TUSC3: variants seen among roughly 807,000 people sequenced by gnomAD.
The protein encoded by TUSC3 is tumor suppressor candidate 3.
A neutral mutation model predicts 44.8 loss-of-function variants in TUSC3; 45 were observed. The ratio of observed to expected loss-of-function variants is 1.00; its 90% confidence interval spans 0.79 to 1.29. The LOEUF (loss-of-function observed/expected upper bound fraction) is 1.29. Among genes scored for constraint, TUSC3 ranks in the 50% most tolerant of loss-of-function variants. The pLI is 0.00. For missense variants in TUSC3, 519 were observed against 437.9 expected (o/e 1.19, Z -1.65); for synonymous variants, 212 against 152.9 (o/e 1.39, Z -2.85).
At chr8:15,717,686 A>C (rs1047356859) in intron 6 of TUSC3, among the ~76,000 whole-genome samples, 3 of 151,942 alleles carry the variant, frequency 2.0e-5, no homozygotes, top group Admixed American at 2.0e-4. Context: ...TTTCTCTAGC[A>C]CTCATTTGGA....
chr8:15,543,918 G>A (rs1338537276), intron 1 of TUSC3, among the ~76,000 whole-genome samples: 1 of 151,674 alleles, frequency 6.6e-6, no homozygotes, highest in East Asian at 1.9e-4. Context: ...ATTTGTGTGT[G>A]TGTGTGTGTG....
At chr8:15,430,591 C>T (rs1426085649) in intron 1 of TUSC3, among the ~76,000 whole-genome samples, 1 of 151,378 alleles carries the variant, frequency 6.6e-6, no homozygotes, top group Non-Finnish European at 1.5e-5. Flanking sequence ...CCCTCTCTCA[C>T]CACTCCTATT....
chr8:15,819,912 A>G, the TUSC3 span, among the ~76,000 whole-genome samples: 2 of 152,172 alleles, frequency 1.3e-5, no homozygotes, highest in African/African-American at 4.8e-5. Flanking sequence ...ATGTTTTTCA[A>G]ACATTCTTGT....
intron 1 of TUSC3, among the ~76,000 whole-genome samples, chr8:15,457,234 T>G (rs560988876): frequency 1.3e-5 from 2 of 151,532 alleles, no homozygotes; most frequent in Admixed American, 6.6e-5. Flanking sequence ...AGTTAATGGG[T>G]GCAGCACACC....
Position 15,448,108 on chromosome 8 carries a change from C to CATATATATATATATATATATATATATAT in TUSC3, n.91+30815_91+30816insATATATATATATATATATATATATATAT, listed in dbSNP as rs376338237. On this transcript the variant is annotated intron_variant and non_coding_transcript_variant, in intron 1 of 5. Coordinates refer to the TUSC3 transcript ENST00000503191. ...ATTCAACTGTATGGTAGTGTATATA[C>CATATATATATATATATATATATATATAT]ATATATATATATTTATTTATTTATT... Among the ~76,000 whole-genome samples, 43 of 96,434 alleles carry CATATATATATATATATATATATATATAT rather than the reference C, an allele frequency of 4.5e-4. 2 individuals are homozygous for CATATATATATATATATATATATATATAT. The highest frequency in any genetic ancestry group is 1.8e-3 in the African/African-American group (35 of 19,318). 63.3% of individuals were successfully genotyped at this position (96,434 alleles called of 152,430 possible). A position where few individuals can be genotyped will look rare whatever the true frequency, so the allele number is the denominator to read the frequency against.
At chr8:15,547,286 A>G (rs2129135043) in intron 1 of TUSC3, among the ~76,000 whole-genome samples, 1 of 151,784 alleles carries the variant, frequency 6.6e-6, no homozygotes, top group Non-Finnish European at 1.5e-5. Context: ...AAATGGCATA[A>G]CATGGTTGTC....
At chr8:15,475,189 A>G (rs1481676667) in intron 1 of TUSC3, among the ~76,000 whole-genome samples, 3 of 151,900 alleles carry the variant, frequency 2.0e-5, no homozygotes, top group Non-Finnish European at 4.4e-5. Context: ...AGTCGTCAAC[A>G]TTCCAAAGAG....
At chr8:15,624,025 T>C (rs967253374) in intron 2 of TUSC3, among the ~76,000 whole-genome samples, 1 of 152,200 alleles carries the variant, frequency 6.6e-6, no homozygotes. Context: ...TCTCCATTTC[T>C]ATAATTTTGT....
intron 6 of TUSC3, chr8:15,689,493 A>G (rs12548856): frequency 0.3 from 50,988 of 171,696 alleles, 8,241 homozygotes; most frequent in Admixed American, 0.4. Context: ...GGCGCCAGCC[A>G]CTCCGTTCCC....
intron 2 of TUSC3, among the ~76,000 whole-genome samples, chr8:15,634,332 C>G (rs1349845870): frequency 6.6e-6 from 1 of 152,172 alleles, no homozygotes; most frequent in African/African-American, 2.4e-5. Flanking sequence ...TACATTGTGT[C>G]CACGATTCTA....
chr8:15,589,804 G>A (rs577046499), intron 1 of TUSC3, among the ~76,000 whole-genome samples: 1 of 152,100 alleles, frequency 6.6e-6, no homozygotes, highest in African/African-American at 2.4e-5. Context: ...CCTACCAAAA[G>A]TGAGTTAATG....
intron 1 of TUSC3, among the ~76,000 whole-genome samples, chr8:15,446,399 C>A (rs62501884): frequency 6.6e-6 from 1 of 151,858 alleles, no homozygotes; most frequent in African/African-American, 2.4e-5. Flanking sequence ...GAGGTTGTAG[C>A]GAGTCGAGAT....
At chr8:15,566,724 A>G (rs369899270) in intron 1 of TUSC3, among the ~76,000 whole-genome samples, 1 of 151,940 alleles carries the variant, frequency 6.6e-6, no homozygotes, top group East Asian at 1.9e-4. Context: ...CCTAGGCTCA[A>G]GCAATCCTCC....
intron 6 of TUSC3, among the ~76,000 whole-genome samples, chr8:15,692,673 T>A (rs943081050): frequency 7.2e-6 from 1 of 138,456 alleles, no homozygotes; most frequent in Non-Finnish European, 1.7e-5. Context: ...TTTTTTTTTT[T>A]CTATTTCCAT....
chr8:15,502,629 T>C (rs531275435), intron 2 of TUSC3, among the ~76,000 whole-genome samples: 3 of 152,330 alleles, frequency 2.0e-5, no homozygotes, highest in African/African-American at 7.2e-5. Context: ...TAGCTGGGAC[T>C]ACAGGAACCC....
At chr8:15,459,260 T>A (rs902522484) in intron 1 of TUSC3, among the ~76,000 whole-genome samples, 4 of 152,214 alleles carry the variant, frequency 2.6e-5, no homozygotes, top group African/African-American at 7.2e-5. Context: ...TGGTGTTGAC[T>A]GTCTAGTTCA....
chr8:15,609,668 A>ATTATAATG (rs1804678973), intron 1 of TUSC3, among the ~76,000 whole-genome samples: 1 of 152,108 alleles, frequency 6.6e-6, no homozygotes. Context: ...CATGATTCCC[A>ATTATAATG]TTATAATGAT....
chr8:15,523,536 C>G (rs1478740930), intron 2 of TUSC3, among the ~76,000 whole-genome samples: 1 of 151,052 alleles, frequency 6.6e-6, no homozygotes, highest in Non-Finnish European at 1.5e-5. Flanking sequence ...ATTGTGTTTT[C>G]TAATAATAGC....
chr8:15,669,525 G>A lies in TUSC3; in HGVS notation c.709-4222G>A, dbSNP rs553984341. 2.3e-4 allele frequency among the ~76,000 whole-genome samples: 35 copies of A among 151,720 alleles called. 2 individuals carry two copies. The South Asian group carries it at 7.3e-3, about 31-fold the overall frequency. ...ATTACAGACAGTAATAAATAAAAAT[G>A]GTAATACATTGTCAAGTTATTTCAC... On this transcript the variant is annotated intron_variant, in intron 5 of 10. Transcript: ENST00000503731.
Sources: gnomAD v4.1 joint callset for allele counts (sites outside exome capture counted in the v4.1 genomes callset) on GRCh38, gnomAD v4.1.1 for gene constraint, MANE v1.5 for transcripts, NCBI Gene and HGNC (gene_info 2026-07-23, HGNC 2026-07-21) for gene names.